The following PRKAA2 variants were observed in gnomAD, a reference collection of about 807,000 sequenced individuals.
The protein encoded by PRKAA2 is 5'-AMP-activated protein kinase catalytic subunit alpha-2.
PRKAA2 carries 40 observed loss-of-function variants against 56.3 expected under a neutral mutation model. The observed-to-expected ratio is 0.71, with a 90% CI of 0.55 to 0.92. PRKAA2 has a LOEUF of 0.92. Ranked by LOEUF, PRKAA2 falls within the 40% of genes least tolerant of loss-of-function variation. PRKAA2 has a pLI of 0.00. For missense variants in PRKAA2, 542 were observed against 686.9 expected (o/e 0.79, Z 2.36); for synonymous variants, 214 against 234.2 (o/e 0.91, Z 0.79).
In PRKAA2 at chr1:56,706,353, T is replaced by A. The variant is rs1446918675; in HGVS notation, c.1420+135T>A. On this transcript the variant is annotated intron_variant, in intron 8 of 8. Coordinates refer to ENST00000371244, the MANE Select transcript of PRKAA2 (RefSeq NM_006252.4). ...TTAAGCAATCTAGACTTAACCAAAA[T>A]GTAAGTGAAGTGAAAAGGATGAAAG... 4.3e-6 allele frequency: 4 copies of A among 927,962 alleles called. No individual in the cohort carries two copies. In the African/African-American group the frequency reaches 6.7e-5, roughly 16 times the overall value. The allele number at this position is 927,962 out of a possible 1,614,324, so 57.5% of individuals were successfully genotyped here.
At chr1:56,671,683 T>C (rs1644077964) in intron 1 of PRKAA2, among the ~76,000 whole-genome samples, 1 of 152,196 alleles carries the variant, frequency 6.6e-6, no homozygotes, top group African/African-American at 2.4e-5. Context: ...TCGCATTACA[T>C]GTTTGGAGTA....
chr1:56,661,787 C>A (rs761906302), intron 1 of PRKAA2, among the ~76,000 whole-genome samples: 2 of 151,814 alleles, frequency 1.3e-5, no homozygotes, highest in Non-Finnish European at 2.9e-5. Flanking sequence ...TCTACCATGG[C>A]TTTCTAGAAT....
intron 2 of PRKAA2, among the ~76,000 whole-genome samples, chr1:56,686,474 G>A (rs1644191970): frequency 6.6e-6 from 1 of 152,156 alleles, no homozygotes; most frequent in African/African-American, 2.4e-5. Context: ...AATTTATAAA[G>A]AAAAGAGGTT....
chr1:56,702,922 A>G (rs922395845), intron 6 of PRKAA2, among the ~76,000 whole-genome samples: 3 of 152,220 alleles, frequency 2.0e-5, no homozygotes, highest in African/African-American at 7.2e-5. Flanking sequence ...TTTGGGAGGA[A>G]TGGTTCTTTT....
At chr1:56,665,640 T>A (rs992528241) in intron 1 of PRKAA2, among the ~76,000 whole-genome samples, 2 of 152,230 alleles carry the variant, frequency 1.3e-5, no homozygotes, top group African/African-American at 4.8e-5. Context: ...TTTGCACTAA[T>A]TTACATTCCC....
chr1:56,682,931 T>C (rs909603147), intron 2 of PRKAA2, among the ~76,000 whole-genome samples: 6 of 152,164 alleles, frequency 3.9e-5, no homozygotes, highest in Non-Finnish European at 7.4e-5. Flanking sequence ...ACAGAGCAGA[T>C]AAAAAACATT....
In PRKAA2 at chr1:56,697,012, A is replaced by ATTT. The variant is rs752842791; in HGVS notation, c.788+866_788+868dup. On this transcript the variant is annotated intron_variant, in intron 6 of 8. Coordinates refer to ENST00000371244, the MANE Select transcript of PRKAA2 (RefSeq NM_006252.4). Reference sequence around the variant, plus strand: ...CCTTTTCATCATTAGCCAGCAAAGAATTTTTTTTTTTTTTTAAGGCAGGGT... The same window carrying ATTT: ...CCTTTTCATCATTAGCCAGCAAAGAATTTTTTTTTTTTTTTTTTAAGGCAGGGT... Among the ~76,000 whole-genome samples the ATTT allele has an allele frequency of 1.2e-3, 71 of 57,890 alleles. 8 individuals are homozygous for ATTT. The highest frequency in any genetic ancestry group is 2.6e-3 in the Admixed American group (9 of 3,436). The allele number at this position is 57,890 out of a possible 152,430, so 38.0% of individuals were successfully genotyped here. A position where few individuals can be genotyped will look rare whatever the true frequency, so the allele number is the denominator to read the frequency against.
intron 1 of PRKAA2, among the ~76,000 whole-genome samples, chr1:56,658,989 G>T (rs1332948383): frequency 6.8e-6 from 1 of 147,616 alleles, no homozygotes; most frequent in East Asian, 2.0e-4. Flanking sequence ...TTTTTGTAGA[G>T]ATGGGGTCTT....
intron 6 of PRKAA2, 117 bp downstream of exon 6, chr1:56,696,276 C>T (rs1644258643): frequency 1.1e-6 from 1 of 874,166 alleles, no homozygotes; most frequent in Non-Finnish European, 1.8e-6. Flanking sequence ...AGTACTCATG[C>T]TTCAGCCACA....
At chr1:56,676,065 G>A (rs1481781276) in intron 2 of PRKAA2, among the ~76,000 whole-genome samples, 1 of 152,132 alleles carries the variant, frequency 6.6e-6, no homozygotes, top group African/African-American at 2.4e-5. Context: ...AGCATTAATG[G>A]GAACAACTTG....
At chr1:56,652,640 G>T (rs10889006) in intron 1 of PRKAA2, among the ~76,000 whole-genome samples, 66,183 of 151,978 alleles carry the variant, frequency 0.44, 14,978 homozygotes, top group Middle Eastern at 0.54. Context: ...TCGTAATATG[G>T]CAATGATCAT....
At chr1:56,645,833 C>T (rs755894463) in intron 1 of PRKAA2, among the ~76,000 whole-genome samples, 8 of 152,188 alleles carry the variant, frequency 5.3e-5, no homozygotes, top group Non-Finnish European at 1.2e-4. Flanking sequence ...ACTCGTTCTG[C>T]GAGGCGCCTT....
intron 1 of PRKAA2, among the ~76,000 whole-genome samples, chr1:56,658,678 C>A (rs1487975578): frequency 6.8e-6 from 1 of 146,900 alleles, no homozygotes; most frequent in Non-Finnish European, 1.5e-5. Context: ...GTGGCACAAT[C>A]ATAGCTCACT....
chr1:56,695,452 A>G (rs1644253194), intron 5 of PRKAA2, among the ~76,000 whole-genome samples: 1 of 151,892 alleles, frequency 6.6e-6, no homozygotes, highest in African/African-American at 2.4e-5. Flanking sequence ...CAGCCTCCCA[A>G]AGTACTAGGA....
At chr1:56,664,252 TG>T (rs921557323) in intron 1 of PRKAA2, among the ~76,000 whole-genome samples, 2 of 152,216 alleles carry the variant, frequency 1.3e-5, no homozygotes, top group African/African-American at 2.4e-5. Flanking sequence ...ATTTGATGTT[TG>T]TTTTTGCTTT....
intron 1 of PRKAA2, among the ~76,000 whole-genome samples, chr1:56,652,008 ATTTTT>A (rs35462805): frequency 9.4e-6 from 1 of 106,536 alleles, no homozygotes; most frequent in Non-Finnish European, 1.9e-5. Context: ...CGCCTGGCTA[ATTTTT>A]TTTTTTTTTT....
chr1:56,678,820 T>G (rs955665455), intron 2 of PRKAA2, among the ~76,000 whole-genome samples: 4 of 151,868 alleles, frequency 2.6e-5, no homozygotes. Context: ...CTCAGCCTCC[T>G]GAGTAGCTGG....
At chr1:56,654,724 G>T (rs1454756892) in intron 1 of PRKAA2, among the ~76,000 whole-genome samples, 1 of 152,054 alleles carries the variant, frequency 6.6e-6, no homozygotes, top group African/African-American at 2.4e-5. Flanking sequence ...AGAATTTCAG[G>T]CAGTTATCTC....
chr1:56,696,394 GA>G (rs1326376777), intron 6 of PRKAA2, among the ~76,000 whole-genome samples: 1 of 151,958 alleles, frequency 6.6e-6, no homozygotes, highest in Non-Finnish European at 1.5e-5. Flanking sequence ...TTTTTGACCT[GA>G]TAGACTTCCA....
Sources: gnomAD v4.1 joint callset for allele counts (sites outside exome capture counted in the v4.1 genomes callset) on GRCh38, gnomAD v4.1.1 for gene constraint, MANE v1.5 for transcripts, NCBI Gene and HGNC (gene_info 2026-07-23, HGNC 2026-07-21) for gene names.